ZDHHC19: variants seen among roughly 807,000 people sequenced by gnomAD.
ZDHHC19 encodes the protein zDHHC palmitoyltransferase 19, also known as palmitoyltransferase ZDHHC19.
In ZDHHC19, 30 loss-of-function variants were observed where a neutral mutation model predicts 33.9. The observed-to-expected ratio is 0.88, with a 90% CI of 0.66 to 1.20. The LOEUF is 1.20. Ranked by LOEUF, ZDHHC19 falls within the 50% of genes most tolerant of loss-of-function variation. The pLI, the probability that ZDHHC19 is intolerant of heterozygous loss-of-function variation, is 0.00. For synonymous variants in ZDHHC19, 178 were observed against 167.6 expected, an observed-to-expected ratio of 1.06 and a Z score of -0.48; for missense variants, 364 against 401.1, an observed-to-expected ratio of 0.91 and a Z score of 0.79.
chr3:196,198,296 CA>C lies in ZDHHC19; in HGVS notation c.928del (p.Ter310GlufsTer43), dbSNP rs779016315. 3.3e-6 allele frequency: 5 copies of C among 1,503,018 alleles called. No individual in the cohort carries two copies. In the African/African-American group the frequency reaches 7.0e-5, roughly 21 times the overall value. The allele number at this position is 1,503,018 out of a possible 1,614,324, so 93.1% of individuals were successfully genotyped here. On this transcript the variant is annotated frameshift_variant and stop_lost, in exon 7 of 8. Transcript: ENST00000296326. LOFTEE classifies it high-confidence loss of function. Reference protein sequence around the residue: ...QSREGTPGAW* With the variant: ...QSREGTPGAWX ...CTTACCTCCTGGAGAGCTGCAGCCT[CA>C]CCACGCCCCGGGGGTCCCTTCCCTG...
intron 5 of ZDHHC19, chr3:196,199,551 C>T (rs1722074307): frequency 1.3e-5 from 2 of 156,176 alleles, no homozygotes; most frequent in Admixed American, 1.3e-4. Context: ...TGGACAGCTC[C>T]ATAACAGCTC....
At chr3:196,210,522 A>G in intron 2 of ZDHHC19, 94 bp downstream of exon 2, 2 of 1,553,982 alleles carry the variant, frequency 1.3e-6, no homozygotes, top group Non-Finnish European at 8.8e-7. Flanking sequence ...CAGAGGCTGG[A>G]GGAGGGTCAG....
Position 196,210,268 on chromosome 3 carries a change from G to A in ZDHHC19, c.268+348C>T, listed in dbSNP as rs966044044. 6.7e-5 allele frequency among the ~76,000 whole-genome samples: 8 copies of A among 119,286 alleles called. No homozygotes were observed. The East Asian group carries it at 2.1e-3, about 31-fold the overall frequency. 78.3% of individuals were successfully genotyped at this position (119,286 alleles called of 152,430 possible). ...AAGAAAGAAAAAGAAAGAAAGAAAA[G>A]AGAAAGAAAGAAAGAAAGAAGGAAG... On this transcript the variant is annotated intron_variant, in intron 2 of 7. Transcript: ENST00000296326.
At chr3:196,198,206 A>C in intron 7 of ZDHHC19, 70 bp downstream of exon 7, 12 of 1,336,460 alleles carry the variant, frequency 9.0e-6, no homozygotes, top group South Asian at 4.3e-5. Context: ...GCCTCCCCCC[A>C]CACCCTCACA....
chr3:196,204,056 T>A (rs1011232754), intron 5 of ZDHHC19, among the ~76,000 whole-genome samples: 1 of 151,928 alleles, frequency 6.6e-6, no homozygotes, highest in Non-Finnish European at 1.5e-5. Context: ...TCCAAGACAG[T>A]GCAATAAGAA....
At chr3:196,209,280 C>T (rs1367129451) in intron 3 of ZDHHC19, 96 bp downstream of exon 3, 10 of 1,462,480 alleles carry the variant, frequency 6.8e-6, no homozygotes, top group Non-Finnish European at 5.5e-6. Flanking sequence ...GTCCTGAAAA[C>T]AGCTTCACAC....
chr3:196,199,094 A>G (rs1223176497), intron 5 of ZDHHC19, among the ~76,000 whole-genome samples: 3 of 152,148 alleles, frequency 2.0e-5, no homozygotes, highest in African/African-American at 7.2e-5. Flanking sequence ...CCTTCCAGAT[A>G]CTGAATGTCA....
Position 196,203,188 on chromosome 3 carries a change from G to T in ZDHHC19, c.687+4210C>A, listed in dbSNP as rs2108726453. Among the ~76,000 whole-genome samples the T allele has an allele frequency of 6.6e-6, 1 of 151,866 alleles. No homozygotes were observed. The highest frequency in any genetic ancestry group is 2.1e-4 in the South Asian group (1 of 4,812). ...AGGCAGGAGAATCGCTTGAACCCAG[G>T]AGGCCAAGATCACACCACTGCACTC... On this transcript the variant is annotated intron_variant, in intron 5 of 7. Transcript: ENST00000296326. The surrounding 1 kb of genome is among the most constrained non-coding windows in gnomAD (Gnocchi z 4.3).
At chr3:196,210,979 C>T (rs866419779) in intron 1 of ZDHHC19, among the ~76,000 whole-genome samples, 191 bp downstream of exon 1, 4 of 151,170 alleles carry the variant, frequency 2.6e-5, no homozygotes, top group Non-Finnish European at 5.9e-5. Flanking sequence ...GTTCCTGGAA[C>T]AGAATATCCC....
chr3:196,202,728 G>T (rs1429909495), intron 5 of ZDHHC19, among the ~76,000 whole-genome samples: 1 of 152,202 alleles, frequency 6.6e-6, no homozygotes, highest in Admixed American at 6.5e-5. Flanking sequence ...GTAGTATGAG[G>T]CCTGACCACT....
Position 196,198,356 on chromosome 3 carries a change from T to C in ZDHHC19, c.869A>G (p.Asn290Ser). Residue 290 changes from asparagine (N) to serine (S), a missense_variant, in exon 7 of 8, where the codon AAC becomes AGC. Asn to Ser is a conservative substitution (Grantham distance 46). Transcript: ENST00000296326. ...GGACCCAGAGGTTGGGGCTGGGGGG[T>C]TGAGAGCAGAGGGGGACATTGGAGG... Reference protein sequence around the residue: ...LHPPMSPSALNPPAPTSGSLQ... With the variant: ...LHPPMSPSALSPPAPTSGSLQ... 1 of 1,516,324 alleles carries C rather than the reference T, an allele frequency of 6.6e-7. No homozygotes were observed. Among genetic ancestry groups the C allele is most frequent in the Non-Finnish European group, 8.8e-7 (1 of 1,132,112 alleles). 93.9% of individuals were successfully genotyped at this position (1,516,324 alleles called of 1,614,324 possible). A position where few individuals can be genotyped will look rare whatever the true frequency, so the allele number is the denominator to read the frequency against.
intron 3 of ZDHHC19, 198 bp downstream of exon 3, chr3:196,209,178 G>A: frequency 1.3e-6 from 1 of 742,058 alleles, no homozygotes; most frequent in East Asian, 2.8e-5. Context: ...CACCTCTGCA[G>A]GCAACGGCCA....
chr3:196,198,241 A>G (rs1234346159), intron 7 of ZDHHC19, 35 bp downstream of exon 7: 5 of 1,446,216 alleles, frequency 3.5e-6, no homozygotes, highest in Non-Finnish European at 3.6e-6. Flanking sequence ...CCCTCCCGAC[A>G]CGCACAGACA....
chr3:196,208,645 G>A, intron 3 of ZDHHC19, 85 bp from the exon 4 acceptor site: 1 of 1,477,722 alleles, frequency 6.8e-7, no homozygotes, highest in Admixed American at 2.1e-5. Context: ...CCCTCCCCCT[G>A]CCTTCTAGGC....
chr3:196,202,620 G>A (rs574527765), intron 5 of ZDHHC19, among the ~76,000 whole-genome samples: 1 of 152,358 alleles, frequency 6.6e-6, no homozygotes, highest in East Asian at 1.9e-4. Flanking sequence ...CAGAGGAGCC[G>A]CGCAGGAGGC....
chr3:196,207,423 G>C lies in ZDHHC19; in HGVS notation c.662C>G (p.Ser221Trp). The C allele has an allele frequency of 1.9e-6, 3 of 1,569,368 alleles. No homozygotes were observed. In the South Asian group the frequency reaches 3.5e-5, roughly 18 times the overall value. Residue 221 changes from serine (S) to tryptophan (W), a missense_variant, in exon 5 of 8, where the codon TCG (serine) becomes TGG (tryptophan). Ser to Trp is a radical substitution (Grantham distance 177, BLOSUM62 -3). Transcript: ENST00000296326. The stretch of plus-strand genomic sequence containing the variant: ...CTTGCCCTTGTAGGTGCGGTCGGCC[G>C]AGCTCACGGACAGTGCCTGGATCAG... ...LLLIQALSVS[S>W]ADRTYKGKCR... is the part of the protein sequence containing the mutation.
chr3:196,200,528 G>A (rs1193995021), intron 5 of ZDHHC19, among the ~76,000 whole-genome samples: 2 of 149,456 alleles, frequency 1.3e-5, no homozygotes, highest in East Asian at 2.0e-4. Context: ...CTAATTTTTT[G>A]TATTTTTAGT....
At chr3:196,202,670 C>T (rs1722449528) in intron 5 of ZDHHC19, among the ~76,000 whole-genome samples, 1 of 152,230 alleles carries the variant, frequency 6.6e-6, no homozygotes, top group Non-Finnish European at 1.5e-5. Context: ...GGCCGCTTCC[C>T]TGCGTGCAGT....
At chr3:196,205,606 T>C (rs563239340) in intron 5 of ZDHHC19, among the ~76,000 whole-genome samples, 1 of 152,320 alleles carries the variant, frequency 6.6e-6, no homozygotes, top group Admixed American at 6.5e-5. Context: ...TACTGTATAC[T>C]AGAAAAGGAT....
Sources: allele counts gnomAD v4.1 joint callset (sites outside exome capture counted in the v4.1 genomes callset), GRCh38; gene constraint gnomAD v4.1.1; non-coding constraint Gnocchi (gnomAD v3.1); transcripts MANE v1.5; gene names NCBI Gene and HGNC (gene_info 2026-07-23, HGNC 2026-07-21).